Variants in PDE3A observed in about 807,000 individuals in gnomAD.
The protein encoded by PDE3A is cGMP-inhibited 3',5'-cyclic phosphodiesterase 3A.
A neutral mutation model predicts 98.3 loss-of-function variants in PDE3A; 43 were observed. The ratio of observed to expected loss-of-function variants is 0.44; its 90% CI spans 0.34 to 0.56. The LOEUF (loss-of-function observed/expected upper bound fraction) is 0.56. Ranked by LOEUF, PDE3A falls within the 20% of genes least tolerant of loss-of-function variation. PDE3A has a pLI of 0.01. For missense variants in PDE3A, 1,427 were observed against 1,440.7 expected (o/e 0.99, Z 0.15); for synonymous variants, 663 against 567.9 (o/e 1.17, Z -2.38).
chr12:20,498,068 T>G lies in PDE3A; in HGVS notation c.961-58592T>G, dbSNP rs1591990894. Reference sequence around the variant, plus strand: ...GTGTTATACGGTAGGCTAAAAGGAGTACTGGTTAGAAAAATTATCAAACTA... The same window carrying G: ...GTGTTATACGGTAGGCTAAAAGGAGGACTGGTTAGAAAAATTATCAAACTA... On this transcript the variant is annotated intron_variant, in intron 1 of 15. Coordinates refer to ENST00000359062, the MANE Select transcript of PDE3A (RefSeq NM_000921.5). Among the ~76,000 whole-genome samples, 7 of 152,194 alleles carry G rather than the reference T, an allele frequency of 4.6e-5. 1 individual carries two copies. The highest frequency in any genetic ancestry group is 1.7e-4 in the African/African-American group (7 of 41,526).
chr12:20,523,053 A>T (rs1354770925), intron 1 of PDE3A, among the ~76,000 whole-genome samples: 1 of 151,810 alleles, frequency 6.6e-6, no homozygotes, highest in African/African-American at 2.4e-5. Flanking sequence ...GTCCTGGGGT[A>T]TACCTGGGCG....
At chr12:20,545,635 G>T (rs1465084486) in intron 1 of PDE3A, among the ~76,000 whole-genome samples, 3 of 151,944 alleles carry the variant, frequency 2.0e-5, no homozygotes, top group Non-Finnish European at 4.4e-5. Flanking sequence ...GAGGAATACA[G>T]GAGAAAGCTA....
intron 3 of PDE3A, among the ~76,000 whole-genome samples, chr12:20,614,739 T>C (rs1171667661): frequency 6.6e-6 from 1 of 152,186 alleles, no homozygotes; most frequent in Non-Finnish European, 1.5e-5. Flanking sequence ...CCTTCTAAGA[T>C]GCACATTCAG....
chr12:20,393,391 G>T (rs1211785604), intron 1 of PDE3A, among the ~76,000 whole-genome samples: 3 of 151,832 alleles, frequency 2.0e-5, no homozygotes, highest in African/African-American at 7.3e-5. Flanking sequence ...AACAGAATGG[G>T]GGAAACTGCT....
intron 1 of PDE3A, among the ~76,000 whole-genome samples, chr12:20,399,150 TTTCC>T (rs1401855731): frequency 2.0e-5 from 3 of 152,204 alleles, no homozygotes; most frequent in African/African-American, 7.2e-5. Flanking sequence ...CATGTCAGAA[TTTCC>T]TTCCTTTTTA....
intron 1 of PDE3A, among the ~76,000 whole-genome samples, chr12:20,382,037 T>C (rs891398132): frequency 2.0e-5 from 3 of 151,938 alleles, no homozygotes; most frequent in African/African-American, 7.2e-5. Context: ...TACATATAAT[T>C]ACATATCATT....
intron 15 of PDE3A, among the ~76,000 whole-genome samples, chr12:20,672,393 A>C (rs1421330954): frequency 1.3e-5 from 1 of 77,892 alleles, no homozygotes; most frequent in African/African-American, 5.3e-5. Flanking sequence ...TCGCCAAGTC[A>C]ATCCTAAGCC....
intron 2 of PDE3A, among the ~76,000 whole-genome samples, chr12:20,609,978 T>G (rs1565447976): frequency 3.3e-5 from 5 of 151,840 alleles, no homozygotes; most frequent in Admixed American, 6.6e-5. Flanking sequence ...TCTCGGACAT[T>G]GACCTTGGCA....
At chr12:20,389,930 G>A (rs1943882801) in intron 1 of PDE3A, among the ~76,000 whole-genome samples, 2 of 151,338 alleles carry the variant, frequency 1.3e-5, no homozygotes, top group South Asian at 2.1e-4. Flanking sequence ...TATAAAGAAT[G>A]TATCTAAAAT....
At chr12:20,479,216 A>T (rs1341393787) in intron 1 of PDE3A, among the ~76,000 whole-genome samples, 1 of 152,238 alleles carries the variant, frequency 6.6e-6, no homozygotes, top group Non-Finnish European at 1.5e-5. Flanking sequence ...GTTAATAGAC[A>T]TTGAAAAACA....
chr12:20,637,446 T>C (rs1758874773), intron 9 of PDE3A, among the ~76,000 whole-genome samples: 1 of 148,490 alleles, frequency 6.7e-6, no homozygotes, highest in Admixed American at 6.7e-5. Context: ...ACAATTAAAA[T>C]ATGATATATT....
chr12:20,668,129 C>T (rs554864417), intron 15 of PDE3A, among the ~76,000 whole-genome samples: 178 of 152,254 alleles, frequency 1.2e-3, no homozygotes, highest in African/African-American at 4.0e-3. Context: ...CTGAATACTG[C>T]GCTTTTCCGA....
rs1211316499 is a variant in PDE3A, at chr12:20,683,593, A to G, written c.*3322A>G. 1 of 152,068 alleles carries G rather than the reference A, an allele frequency of 6.6e-6. No homozygotes were observed. Among genetic ancestry groups the G allele is most frequent in the Non-Finnish European group, 1.5e-5 (1 of 67,996 alleles). 9.4% of individuals were successfully genotyped at this position (152,068 alleles called of 1,614,324 possible). ...ATCTATCTAAATTAACCTTTAAAAT[A>G]TTGGTTTCCTTGATAAAAGCACCAC... On this transcript the variant is annotated 3_prime_UTR_variant, in exon 16 of 16. Coordinates refer to ENST00000359062, the MANE Select transcript of PDE3A (RefSeq NM_000921.5).
intron 2 of PDE3A, among the ~76,000 whole-genome samples, chr12:20,584,475 C>A (rs1455876112): frequency 1.3e-5 from 2 of 152,136 alleles, no homozygotes; most frequent in African/African-American, 2.4e-5. Flanking sequence ...AATATCAGAA[C>A]CTCCTTTTTA....
intron 13 of PDE3A, among the ~76,000 whole-genome samples, chr12:20,649,489 C>T (rs1317502329): frequency 1.3e-5 from 2 of 152,040 alleles, no homozygotes; most frequent in Non-Finnish European, 2.9e-5. Flanking sequence ...AATTTGTTTT[C>T]ATCTCTACGG....
At chr12:20,449,688 TA>T in intron 1 of PDE3A, 1 of 448,640 alleles carries the variant, frequency 2.2e-6, no homozygotes, top group South Asian at 6.7e-5. Flanking sequence ...TCAGCATTCT[TA>T]CAGAAATATT....
chr12:20,408,562 G>A (rs1271334231), intron 1 of PDE3A, among the ~76,000 whole-genome samples: 1 of 152,026 alleles, frequency 6.6e-6, no homozygotes, highest in Non-Finnish European at 1.5e-5. Context: ...TTTCATAAGG[G>A]TCATTTTTCA....
At chr12:20,387,291 C>CT (rs1943829967) in intron 1 of PDE3A, among the ~76,000 whole-genome samples, 2 of 151,902 alleles carry the variant, frequency 1.3e-5, no homozygotes, top group East Asian at 3.9e-4. Flanking sequence ...TTTAAAGTAG[C>CT]TTTTTCTAAT....
chr12:20,556,298 A>G (rs1942365973), intron 1 of PDE3A, among the ~76,000 whole-genome samples: 1 of 152,134 alleles, frequency 6.6e-6, no homozygotes, highest in Non-Finnish European at 1.5e-5. Flanking sequence ...CATTTGCGGC[A>G]GTAGATTTAA....
Sources: gnomAD v4.1 joint callset for allele counts (sites outside exome capture counted in the v4.1 genomes callset) on GRCh38, gnomAD v4.1.1 for gene constraint, MANE v1.5 for transcripts, NCBI Gene and HGNC (gene_info 2026-07-23, HGNC 2026-07-21) for gene names.